SLC5A10: variants seen among roughly 807,000 people sequenced by gnomAD.
SLC5A10 encodes the protein sodium/mannose cotransporter SLC5A10.
Under a neutral mutation model 68.9 loss-of-function variants are expected in SLC5A10, and 55 were observed. That is an observed-to-expected ratio of 0.80 (90% CI 0.64 to 1.00). The LOEUF is 1.00. Ranked by LOEUF, SLC5A10 falls within the 50% of genes least tolerant of loss-of-function variation. The pLI is 0.00. For synonymous variants in SLC5A10, 344 were observed against 344.8 expected, an observed-to-expected ratio of 1.00 and a Z score of 0.02; for missense variants, 732 against 819.3, an observed-to-expected ratio of 0.89 and a Z score of 1.30.
At position 18,971,335 on chromosome 17, in the gene SLC5A10, G is replaced by A. The variant is rs2042840236; in HGVS notation, c.846+117G>A. ...AGTCTGGGCTGGGGCCTCAGAAGGT[G>A]TGGCTCCAGGCTGGGACATGCTGCT... On this transcript the variant is annotated intron_variant, in intron 8 of 14. Coordinates refer to ENST00000395645, the MANE Select transcript of SLC5A10 (RefSeq NM_001042450.4). This position sits in a 1 kb window ranked among gnomAD's most constrained non-coding sequence, Gnocchi z 5.5. The A allele has an allele frequency of 1.2e-6, 2 of 1,606,326 alleles. No homozygotes were observed. Among genetic ancestry groups the A allele is most frequent in the Non-Finnish European group, 8.5e-7 (1 of 1,175,592 alleles).
At chr17:18,976,824 G>A in intron 8 of SLC5A10, 30 bp from the exon 9 acceptor site, 1 of 1,610,726 alleles carries the variant, frequency 6.2e-7, no homozygotes, top group Admixed American at 1.7e-5. Context: ...CTCAGGCTTG[G>A]ACTCACCCCG....
At chr17:18,955,947 C>A (rs2042489881) in intron 1 of SLC5A10, among the ~76,000 whole-genome samples, 1 of 152,184 alleles carries the variant, frequency 6.6e-6, no homozygotes, top group Non-Finnish European at 1.5e-5. Context: ...GTAATCCCAG[C>A]ACTTTGGGAG....
chr17:19,005,941 A>T (rs2043875754), intron 9 of SLC5A10, among the ~76,000 whole-genome samples: 1 of 152,062 alleles, frequency 6.6e-6, no homozygotes, highest in Admixed American at 6.5e-5. Context: ...GGTCCTGAAG[A>T]CCCATTTATA....
intron 9 of SLC5A10, chr17:18,979,806 C>T: frequency 9.7e-7 from 1 of 1,027,172 alleles, no homozygotes; most frequent in South Asian, 1.5e-5. Context: ...GGCTGTAAGG[C>T]CTGGAGAAAG....
In SLC5A10 at chr17:18,969,360, T is replaced by C; in HGVS notation, c.578T>C (p.Ile193Thr). The C allele has an allele frequency of 6.2e-7, 1 of 1,613,608 alleles. No homozygotes were observed. Among genetic ancestry groups the C allele is most frequent in the African/African-American group, 1.3e-5 (1 of 75,070 alleles). ...CTGGCAGGGGGCCTGGCTGCTGTAA[T>C]CTACACGGACGCCCTGCAGACGCTC... Reference protein sequence around the residue: ...YTIAGGLAAVIYTDALQTLIM... With the variant: ...YTIAGGLAAVTYTDALQTLIM... The change falls in exon 7 of 15, where the codon ATC (isoleucine) becomes ACC (threonine). Residue 193 changes from isoleucine to threonine, a missense_variant. By Grantham distance (89) the Ile-to-Thr change is moderately conservative. Transcript: ENST00000395645.
At chr17:18,954,497 C>T (rs942372236) in intron 1 of SLC5A10, among the ~76,000 whole-genome samples, 1 of 152,136 alleles carries the variant, frequency 6.6e-6, no homozygotes, top group Admixed American at 6.5e-5. Flanking sequence ...CAGCTGGGAG[C>T]GGCTGGCAAG....
At chr17:18,961,686 C>G (rs1161165025) in intron 5 of SLC5A10, among the ~76,000 whole-genome samples, 1 of 152,180 alleles carries the variant, frequency 6.6e-6, no homozygotes, top group African/African-American at 2.4e-5. Context: ...CGCTGGTCAG[C>G]CAGGAGCTGT....
intron 2 of SLC5A10, 69 bp from the exon 3 acceptor site, chr17:18,959,066 G>A (rs1281965080): frequency 4.1e-6 from 6 of 1,455,938 alleles, no homozygotes; most frequent in East Asian, 4.6e-5. Context: ...TGAGGGAGAA[G>A]CTATTAGGCC....
chr17:18,981,782 C>T (rs2043140317), intron 9 of SLC5A10, among the ~76,000 whole-genome samples: 1 of 152,098 alleles, frequency 6.6e-6, no homozygotes, highest in Admixed American at 6.5e-5. Flanking sequence ...CCCCACCCCG[C>T]AGGCTGCAGG....
At position 19,000,645 on chromosome 17, in the gene SLC5A10, C is replaced by G. The variant is rs2043707186; in HGVS notation, c.983-12765C>G. Among the ~76,000 whole-genome samples, 1 of 152,174 alleles carries G rather than the reference C, an allele frequency of 6.6e-6. No homozygotes were observed. ...CTGGGCTGTCCTGACTCAGCCCCAG[C>G]AGCCCCAGCCTAAAGCCCCCGGTGG... On this transcript the variant is annotated intron_variant, in intron 9 of 14. Coordinates refer to ENST00000395645, the MANE Select transcript of SLC5A10 (RefSeq NM_001042450.4). This position sits in a 1 kb window ranked among gnomAD's most constrained non-coding sequence, Gnocchi z 5.2.
At chr17:19,005,462 C>T (rs532806246) in intron 9 of SLC5A10, among the ~76,000 whole-genome samples, 1 of 152,132 alleles carries the variant, frequency 6.6e-6, no homozygotes, top group Non-Finnish European at 1.5e-5. Flanking sequence ...GACAGCAAAG[C>T]CCATTAAATC....
chr17:19,012,363 G>GGCCTGA (rs971466199), intron 9 of SLC5A10, among the ~76,000 whole-genome samples: 3 of 152,236 alleles, frequency 2.0e-5, no homozygotes, highest in Non-Finnish European at 4.4e-5. Context: ...GTCGGGATCT[G>GGCCTGA]GCCTGAGCCT....
chr17:18,994,129 C>G (rs1465953580), intron 9 of SLC5A10, among the ~76,000 whole-genome samples: 5 of 152,220 alleles, frequency 3.3e-5, no homozygotes, highest in African/African-American at 1.2e-4. Context: ...CAGTGGCCAT[C>G]ATGACCTTGG....
At chr17:19,001,318 T>G (rs964947948) in intron 9 of SLC5A10, among the ~76,000 whole-genome samples, 2 of 152,222 alleles carry the variant, frequency 1.3e-5, no homozygotes, top group African/African-American at 2.4e-5. Flanking sequence ...TCCTTCTCTG[T>G]GCCTCAGTAT....
intron 9 of SLC5A10, chr17:18,986,315 A>T (rs1393923808): frequency 1.3e-5 from 2 of 152,164 alleles, no homozygotes; most frequent in Admixed American, 6.5e-5. Flanking sequence ...AATATAAGGG[A>T]TCAAGTTCAT....
chr17:19,010,707 C>G (rs148913981), intron 9 of SLC5A10, among the ~76,000 whole-genome samples: 73 of 152,298 alleles, frequency 4.8e-4, no homozygotes, highest in African/African-American at 1.6e-3. Context: ...GCTGGGTCCT[C>G]CGAGTGCCAG....
In SLC5A10 at chr17:18,968,820, T is replaced by C. The variant is rs984714540; in HGVS notation, c.454-232T>C. 3.7e-6 allele frequency: 2 copies of C among 537,000 alleles called. No homozygotes were observed. Among genetic ancestry groups the C allele is most frequent in the Middle Eastern group, 4.9e-4 (1 of 2,028 alleles). The allele number at this position is 537,000 out of a possible 1,614,324, so 33.3% of individuals were successfully genotyped here. A position where few individuals can be genotyped will look rare whatever the true frequency, so the allele number is the denominator to read the frequency against. On this transcript the variant is annotated intron_variant, in intron 5 of 14. Coordinates refer to ENST00000395645, the MANE Select transcript of SLC5A10 (RefSeq NM_001042450.4). This position sits in a 1 kb window ranked among gnomAD's most constrained non-coding sequence, Gnocchi z 4.1. Reference sequence around the variant, plus strand: ...GAAAGGCATTGGCCACTTTGGACTTTATTAGCAACAGTAATGTCCCCTGAC... The same window carrying C: ...GAAAGGCATTGGCCACTTTGGACTTCATTAGCAACAGTAATGTCCCCTGAC...
At chr17:18,994,802 C>G (rs1280087653) in intron 9 of SLC5A10, among the ~76,000 whole-genome samples, 2 of 152,232 alleles carry the variant, frequency 1.3e-5, no homozygotes, top group African/African-American at 4.8e-5. Flanking sequence ...CATATGTTCT[C>G]TGTCACAACT....
intron 11 of SLC5A10, among the ~76,000 whole-genome samples, chr17:19,016,966 C>G (rs1027199872): frequency 1.3e-5 from 2 of 152,184 alleles, no homozygotes; most frequent in Non-Finnish European, 2.9e-5. Flanking sequence ...TGTCCCCTGC[C>G]CACTACTTCC....
Sources: gnomAD v4.1 joint callset for allele counts (sites outside exome capture counted in the v4.1 genomes callset) on GRCh38, gnomAD v4.1.1 for gene constraint, Gnocchi (gnomAD v3.1) non-coding constraint, MANE v1.5 for transcripts, NCBI Gene and HGNC (gene_info 2026-07-23, HGNC 2026-07-21) for gene names.